Variants in SH3GL3 observed in about 807,000 individuals in gnomAD.
The protein encoded by SH3GL3 is endophilin-A3.
SH3GL3 carries 33 observed loss-of-function variants against 47.7 expected under a neutral mutation model. The ratio of observed to expected loss-of-function variants is 0.69; its 90% CI spans 0.52 to 0.92. The LOEUF (loss-of-function observed/expected upper bound fraction) is 0.92, where lower values mean the gene tolerates loss of function less well. Ranked by LOEUF, SH3GL3 falls within the 40% of genes least tolerant of loss-of-function variation. The pLI is 0.00. For synonymous variants in SH3GL3, 155 were observed against 148.8 expected (o/e 1.04, Z -0.30); for missense variants, 363 against 417.8 (o/e 0.87, Z 1.14).
intron 8 of SH3GL3, among the ~76,000 whole-genome samples, chr15:83,607,572 T>C (rs1214582601): frequency 5.9e-5 from 9 of 152,190 alleles, no homozygotes. Flanking sequence ...CTGAAGGGGG[T>C]GGCCGATAGT....
chr15:83,496,483 T>C (rs760485925), intron 1 of SH3GL3, among the ~76,000 whole-genome samples: 4 of 152,210 alleles, frequency 2.6e-5, no homozygotes, highest in Non-Finnish European at 5.9e-5. Context: ...TTAGCCTCAT[T>C]TTATGGACTA....
At chr15:83,617,952 G>A in intron 8 of SH3GL3, 130 bp from the exon 9 acceptor site, 1 of 657,834 alleles carries the variant, frequency 1.5e-6, no homozygotes, top group Non-Finnish European at 2.7e-6. Context: ...TGAGCTGGGT[G>A]GAGCTGGCCT....
chr15:83,542,515 T>C (rs1422827225), intron 1 of SH3GL3, among the ~76,000 whole-genome samples: 9 of 152,184 alleles, frequency 5.9e-5, no homozygotes. Context: ...AAGAATGTCA[T>C]TGGTAGTTTG....
rs1459375863 is a variant in SH3GL3 at position 83,519,464 on chromosome 15, C to T, written c.46-39789C>T. Among the ~76,000 whole-genome samples the T allele has an allele frequency of 2.6e-5, 4 of 152,124 alleles. No individual in the cohort carries two copies. The East Asian group carries it at 7.7e-4, about 29-fold the overall frequency. On this transcript the variant is annotated intron_variant, in intron 1 of 8. Transcript: ENST00000427482. The stretch of plus-strand genomic sequence containing the variant: ...ATTGCATTCTTGATTTGGCTCTCAG[C>T]TTGAATGTTATTGGAGTATAGAAAT...
intron 1 of SH3GL3, among the ~76,000 whole-genome samples, chr15:83,483,352 C>G (rs1205608024): frequency 6.6e-6 from 1 of 152,138 alleles, no homozygotes; most frequent in Non-Finnish European, 1.5e-5. Context: ...GGTATGATAG[C>G]CACTCACCAT....
intron 1 of SH3GL3, among the ~76,000 whole-genome samples, chr15:83,524,932 G>A (rs895694349): frequency 6.6e-5 from 10 of 152,020 alleles, no homozygotes; most frequent in African/African-American, 2.4e-4. Flanking sequence ...ACATGATTCT[G>A]TGTCTTTGCC....
intron 4 of SH3GL3, among the ~76,000 whole-genome samples, chr15:83,569,148 C>T (rs1004649996): frequency 4.6e-5 from 7 of 152,140 alleles, no homozygotes; most frequent in African/African-American, 1.2e-4. Flanking sequence ...CCGCCTGCCT[C>T]GGCCTCCCAA....
At chr15:83,517,787 G>C (rs527297917) in intron 1 of SH3GL3, among the ~76,000 whole-genome samples, 1 of 152,138 alleles carries the variant, frequency 6.6e-6, no homozygotes, top group East Asian at 1.9e-4. Flanking sequence ...TACATGTGCA[G>C]GTTTTTTATA....
At chr15:83,503,996 T>G (rs1391961366) in intron 1 of SH3GL3, among the ~76,000 whole-genome samples, 1 of 152,234 alleles carries the variant, frequency 6.6e-6, no homozygotes, top group Non-Finnish European at 1.5e-5. Context: ...ACCTTTTAAT[T>G]CTTTTATGAA....
Position 83,572,699 on chromosome 15 carries a change from G to T in SH3GL3, c.465+1G>T. The T allele has an allele frequency of 1.2e-6, 2 of 1,604,944 alleles. No homozygotes were observed. The highest frequency in any genetic ancestry group is 1.7e-6 in the Non-Finnish European group (2 of 1,172,976). ...AGATAAAGATTTAAAAGAGATCGGGGTAAGTCTTCCAGGGTATAAATATAC... is the reference window on the plus strand; with the variant it reads ...AGATAAAGATTTAAAAGAGATCGGGTTAAGTCTTCCAGGGTATAAATATAC... On this transcript the variant is annotated splice_donor_variant, in intron 5 of 8. Coordinates refer to ENST00000427482, the MANE Select transcript of SH3GL3 (RefSeq NM_003027.5). LOFTEE classifies it high-confidence loss of function.
At chr15:83,541,355 A>G (rs1414948964) in intron 1 of SH3GL3, among the ~76,000 whole-genome samples, 1 of 60,342 alleles carries the variant, frequency 1.7e-5, no homozygotes, top group South Asian at 8.7e-4. Context: ...TTTTTTTGAG[A>G]CGGAGTCTCG....
intron 1 of SH3GL3, among the ~76,000 whole-genome samples, chr15:83,488,823 G>A (rs1305970139): frequency 6.6e-6 from 1 of 152,176 alleles, no homozygotes; most frequent in Non-Finnish European, 1.5e-5. Context: ...CTTCTGATTT[G>A]GGCATATGGT....
chr15:83,489,896 AG>A (rs2041799183), intron 1 of SH3GL3, among the ~76,000 whole-genome samples: 1 of 152,148 alleles, frequency 6.6e-6, no homozygotes, highest in Admixed American at 6.5e-5. Context: ...GATAATAGAT[AG>A]ATAGATAATA....
At chr15:83,474,484 A>G (rs2041000687) in intron 1 of SH3GL3, among the ~76,000 whole-genome samples, 1 of 152,002 alleles carries the variant, frequency 6.6e-6, no homozygotes, top group South Asian at 2.1e-4. Flanking sequence ...TGTGTGATTA[A>G]TTATTATGAT....
Position 83,618,180 on chromosome 15 carries a change from A to G in SH3GL3, c.937A>G (p.Thr313Ala). 1 of 1,609,350 alleles carries G rather than the reference A, an allele frequency of 6.2e-7. No homozygotes were observed. Among genetic ancestry groups the G allele is most frequent in the Non-Finnish European group, 8.5e-7 (1 of 1,175,548 alleles). ...ELGFKEGDII[T>A]LTNQIDENWY... is the part of the protein sequence containing the mutation. ...AGGATTTAAAGAAGGGGACATCATTACATTAACCAATCAAATAGATGAAAA... is the reference window on the plus strand; with the variant it reads ...AGGATTTAAAGAAGGGGACATCATTGCATTAACCAATCAAATAGATGAAAA... The change falls in exon 9 of 9, where the codon ACA (threonine) becomes GCA (alanine). Residue 313 changes from threonine to alanine, a missense_variant. Thr to Ala is a moderately conservative substitution (Grantham distance 58, BLOSUM62 0). Coordinates refer to ENST00000427482, the MANE Select transcript of SH3GL3 (RefSeq NM_003027.5).
At chr15:83,463,768 T>A (rs1440995416) in intron 1 of SH3GL3, among the ~76,000 whole-genome samples, 1 of 94,506 alleles carries the variant, frequency 1.1e-5, no homozygotes, top group Non-Finnish European at 1.9e-5. Context: ...TCTTTCTTTC[T>A]TTTTTTTTTT....
intron 8 of SH3GL3, among the ~76,000 whole-genome samples, chr15:83,589,464 C>T (rs866533512): frequency 6.6e-6 from 1 of 152,086 alleles, no homozygotes; most frequent in Admixed American, 6.6e-5. Flanking sequence ...GCAGCCTTGA[C>T]CTCCTGGGCT....
At chr15:83,505,057 G>A (rs941700875) in intron 1 of SH3GL3, among the ~76,000 whole-genome samples, 1 of 151,974 alleles carries the variant, frequency 6.6e-6, no homozygotes, top group African/African-American at 2.4e-5. Context: ...TATAGCCAGC[G>A]CTCATTTTAT....
At chr15:83,481,189 C>T (rs1029290669) in intron 1 of SH3GL3, among the ~76,000 whole-genome samples, 3 of 150,720 alleles carry the variant, frequency 2.0e-5, no homozygotes, top group Non-Finnish European at 4.4e-5. Context: ...GCAGGAGAAT[C>T]GCTTGAACCC....
Sources: gnomAD v4.1 joint callset for allele counts (sites outside exome capture counted in the v4.1 genomes callset) on GRCh38, gnomAD v4.1.1 for gene constraint, MANE v1.5 for transcripts, NCBI Gene and HGNC (gene_info 2026-07-23, HGNC 2026-07-21) for gene names.